Variants in FSD1L observed in about 807,000 individuals in gnomAD.
FSD1L encodes FSD1-like protein.
Under a neutral mutation model 71.6 loss-of-function variants are expected in FSD1L, and 45 were observed. The ratio of observed to expected loss-of-function variants is 0.63; its 90% CI spans 0.49 to 0.81. The LOEUF is 0.81. FSD1L is among the 30% of genes least tolerant of loss of function. The pLI is 0.00. For synonymous variants in FSD1L, 197 were observed against 207.2 expected, an observed-to-expected ratio of 0.95 and a Z score of 0.42; for missense variants, 561 against 618.1, an observed-to-expected ratio of 0.91 and a Z score of 0.98.
intron 7 of FSD1L, among the ~76,000 whole-genome samples, chr9:105,491,005 A>C (rs1311666568): frequency 6.6e-5 from 10 of 151,486 alleles, no homozygotes; most frequent in Middle Eastern, 3.4e-3. Flanking sequence ...TTTTGGTTCC[A>C]TATGAACTTT....
Position 105,522,116 on chromosome 9 carries a change from C to T in FSD1L, c.1025+9180C>T, listed in dbSNP as rs1167480823. The stretch of plus-strand genomic sequence containing the variant: ...CAGGTCGACTTGCAGGACCACTTTT[C>T]CAGACCCTTATAGTTGCCTGGATCA... On this transcript the variant is annotated intron_variant, in intron 10 of 13. Coordinates refer to ENST00000481272, the MANE Select transcript of FSD1L (RefSeq NM_001145313.3). 13 of 1,613,704 alleles carry T rather than the reference C, an allele frequency of 8.1e-6. No individual in the cohort carries two copies. The African/African-American group carries it at 1.1e-4, about 13-fold the overall frequency.
At chr9:105,543,302 G>A (rs1042239952) in intron 13 of FSD1L, among the ~76,000 whole-genome samples, 1 of 152,112 alleles carries the variant, frequency 6.6e-6, no homozygotes, top group African/African-American at 2.4e-5. Context: ...AATATATACG[G>A]TAGTTGATGA....
At chr9:105,512,285 T>G (rs1834439797) in intron 9 of FSD1L, among the ~76,000 whole-genome samples, 1 of 152,138 alleles carries the variant, frequency 6.6e-6, no homozygotes, top group South Asian at 2.1e-4. Flanking sequence ...GCCAGTTTCC[T>G]TGTTCTGCCA....
chr9:105,508,875 A>G lies in FSD1L; in HGVS notation c.895+160A>G, dbSNP rs564880333. Among the ~76,000 whole-genome samples, 376 of 152,340 alleles carry G rather than the reference A, an allele frequency of 2.5e-3. 1 individual carries two copies. The highest frequency in any genetic ancestry group is 8.7e-3 in the African/African-American group (363 of 41,582). ...AAGAATTTTAAGGGAAAATAGGACT[A>G]CAGTAGTGGTTTTCATTGGGTTTTC... On this transcript the variant is annotated intron_variant, in intron 9 of 13. Coordinates refer to ENST00000481272, the MANE Select transcript of FSD1L (RefSeq NM_001145313.3).
intron 7 of FSD1L, among the ~76,000 whole-genome samples, chr9:105,504,715 A>G (rs1376731728): frequency 1.3e-5 from 2 of 152,172 alleles, no homozygotes; most frequent in Admixed American, 1.3e-4. Context: ...TCATCTCTAG[A>G]TTACTTATAA....
At chr9:105,442,356 G>A in the FSD1L span, among the ~76,000 whole-genome samples, 1 of 152,078 alleles carries the variant, frequency 6.6e-6, no homozygotes, top group South Asian at 2.1e-4. Flanking sequence ...TTTAGAGAAT[G>A]ATGTAACCTC....
At chr9:105,542,718 A>G (rs1836709660) in intron 13 of FSD1L, among the ~76,000 whole-genome samples, 1 of 152,210 alleles carries the variant, frequency 6.6e-6, no homozygotes, top group East Asian at 1.9e-4. Context: ...GGCCCCCCAA[A>G]ATCCTGGGAT....
At chr9:105,493,987 G>T (rs935432254) in intron 7 of FSD1L, among the ~76,000 whole-genome samples, 1 of 152,132 alleles carries the variant, frequency 6.6e-6, no homozygotes, top group African/African-American at 2.4e-5. Context: ...TCTTGGAGTT[G>T]CTCTTCTTGA....
At chr9:105,523,759 T>C in intron 10 of FSD1L, 2 of 1,597,938 alleles carry the variant, frequency 1.3e-6, no homozygotes, top group South Asian at 2.2e-5. Flanking sequence ...AGAGATTTTC[T>C]AACACATTTC....
rs137902606 is a variant in FSD1L, at chr9:105,541,688, TGTG to T, written c.1467+2340_1467+2342del. 1.0e-3 allele frequency among the ~76,000 whole-genome samples: 153 copies of T among 152,316 alleles called. 1 individual carries two copies. Among genetic ancestry groups the T allele is most frequent in the Non-Finnish European group, 1.9e-3 (126 of 68,012 alleles). On this transcript the variant is annotated intron_variant, in intron 13 of 13. Transcript: ENST00000481272. The stretch of plus-strand genomic sequence containing the variant: ...TTGAATTTATAGTATGGTGCAGTTC[TGTG>T]GTTTTTAGCAAATGCCTGCAGTTGT...
intron 12 of FSD1L, among the ~76,000 whole-genome samples, chr9:105,537,297 A>G (rs10991682): frequency 0.13 from 19,883 of 152,186 alleles, 1,660 homozygotes; most frequent in African/African-American, 0.24. Flanking sequence ...AATTTACTCA[A>G]AAAAGGAGAA....
intron 6 of FSD1L, among the ~76,000 whole-genome samples, chr9:105,481,179 G>GTGTGTGTGTGTGTGTGTGT (rs71364100): frequency 5.6e-4 from 65 of 115,340 alleles, no homozygotes; most frequent in East Asian, 1.9e-3. Flanking sequence ...GTGTGTGTGT[G>GTGTGTGTGTGTGTGTGTGT]GTTCTTTTTT....
chr9:105,470,113 G>A (rs562024575), intron 4 of FSD1L, among the ~76,000 whole-genome samples: 83 of 152,192 alleles, frequency 5.5e-4, no homozygotes, highest in Admixed American at 9.8e-4. Flanking sequence ...TGTTCCATTG[G>A]TCTGTGTATC....
At chr9:105,487,151 T>G (rs1180988396) in intron 7 of FSD1L, among the ~76,000 whole-genome samples, 2 of 152,184 alleles carry the variant, frequency 1.3e-5, no homozygotes, top group East Asian at 3.8e-4. Flanking sequence ...ACTTTATTTT[T>G]TTTCATGACT....
chr9:105,458,496 C>G (rs1164391466), intron 1 of FSD1L, among the ~76,000 whole-genome samples: 1 of 152,104 alleles, frequency 6.6e-6, no homozygotes, highest in East Asian at 1.9e-4. Flanking sequence ...CAGAACAGCT[C>G]TCAGTGGAGA....
chr9:105,537,127 A>G (rs1350881837), intron 12 of FSD1L, among the ~76,000 whole-genome samples: 1 of 152,246 alleles, frequency 6.6e-6, no homozygotes, highest in Non-Finnish European at 1.5e-5. Flanking sequence ...TCATAAGCAT[A>G]TTCTCTACAG....
At chr9:105,508,108 C>T (rs1170260870) in intron 8 of FSD1L, among the ~76,000 whole-genome samples, 6 of 150,288 alleles carry the variant, frequency 4.0e-5, no homozygotes, top group Admixed American at 1.3e-4. Context: ...ACCTCAGGTT[C>T]GGGAGTTGGC....
intron 10 of FSD1L, chr9:105,523,732 A>G: frequency 6.3e-7 from 1 of 1,595,762 alleles, no homozygotes; most frequent in Non-Finnish European, 8.6e-7. Flanking sequence ...AAAAGAAGAC[A>G]AGATGTTTCT....
intron 7 of FSD1L, among the ~76,000 whole-genome samples, chr9:105,505,809 TTCAGACAAGTCCG>T: frequency 6.6e-6 from 1 of 152,372 alleles, no homozygotes; most frequent in South Asian, 2.1e-4. Context: ...TTTCACCCAG[TTCAGACAAGTCCG>T]TATCACTGGA....
Sources: allele counts gnomAD v4.1 joint callset (sites outside exome capture counted in the v4.1 genomes callset), GRCh38; gene constraint gnomAD v4.1.1; transcripts MANE v1.5; gene names NCBI Gene and HGNC (gene_info 2026-07-23, HGNC 2026-07-21).